Variants in PARP10 observed in about 807,000 individuals in gnomAD.
PARP10 encodes the protein poly(ADP-ribose) polymerase family member 10.
A neutral mutation model predicts 82.4 loss-of-function variants in PARP10; 56 were observed. The observed-to-expected ratio is 0.68, with a 90% CI of 0.55 to 0.85. The LOEUF (loss-of-function observed/expected upper bound fraction) is 0.85, where lower values mean the gene tolerates loss of function less well. Ranked by LOEUF, PARP10 falls within the 40% of genes least tolerant of loss-of-function variation. The pLI is 0.00. For missense variants in PARP10, 1,227 were observed against 1,379.4 expected, an observed-to-expected ratio of 0.89 and a Z score of 1.75; for synonymous variants, 576 against 601.1, an observed-to-expected ratio of 0.96 and a Z score of 0.61.
chr8:144,001,015 A>C (rs1286341953), intron 1 of PARP10, among the ~76,000 whole-genome samples: 1 of 144,214 alleles, frequency 6.9e-6, no homozygotes, highest in Non-Finnish European at 1.5e-5. Context: ...CCAGGTTCAC[A>C]CCATTCTCTT....
At chr8:143,982,750 C>T (rs963143828) in intron 9 of PARP10, among the ~76,000 whole-genome samples, 182 bp downstream of exon 9, 2 of 152,234 alleles carry the variant, frequency 1.3e-5, no homozygotes, top group Admixed American at 6.5e-5. Flanking sequence ...CACTCTGTTC[C>T]CTCCTGTTTC....
At chr8:143,992,349 C>G (rs909751903), upstream of PARP10, 20 of 1,594,576 alleles carry the variant, frequency 1.3e-5, no homozygotes, top group Non-Finnish European at 1.6e-5. Flanking sequence ...CCGTCTGCTT[C>G]ACCGTCGTCA....
At chr8:143,991,642 C>T (rs534546266), upstream of PARP10, 20 of 1,581,876 alleles carry the variant, frequency 1.3e-5, no homozygotes, top group African/African-American at 1.7e-4. Flanking sequence ...GCCGGGAGGG[C>T]AGGGGGAGGT....
chr8:144,007,354 C>T (rs997296240), intron 1 of PARP10, among the ~76,000 whole-genome samples: 1 of 152,154 alleles, frequency 6.6e-6, no homozygotes, highest in Non-Finnish European at 1.5e-5. Flanking sequence ...CTCCCCAGGG[C>T]CCTCCAGACT....
chr8:143,993,024 C>G (rs559460569), upstream of PARP10: 7 of 605,428 alleles, frequency 1.2e-5, no homozygotes, highest in South Asian at 1.4e-4. Flanking sequence ...CCCGCTGTGG[C>G]CACAGCATGG....
chr8:144,005,828 A>G (rs1182998027), intron 1 of PARP10, among the ~76,000 whole-genome samples: 1 of 152,034 alleles, frequency 6.6e-6, no homozygotes, highest in Non-Finnish European at 1.5e-5. Flanking sequence ...GGAGGCCTCC[A>G]GACCACTCCA....
upstream of PARP10, among the ~76,000 whole-genome samples, chr8:143,994,038 T>C (rs1018268768): frequency 7.9e-5 from 12 of 152,222 alleles, no homozygotes; most frequent in Non-Finnish European, 1.6e-4. Context: ...CTCCATTGCC[T>C]GGGACCTGGC....
intron 5 of PARP10, 31 bp downstream of exon 5, chr8:143,984,513 T>C: frequency 1.3e-6 from 2 of 1,593,638 alleles, no homozygotes; most frequent in Non-Finnish European, 1.7e-6. Context: ...AGGAGGGGGC[T>C]GAAGGTGAGG....
At chr8:143,986,574 G>A (rs1363179391), upstream of PARP10, 5 of 730,096 alleles carry the variant, frequency 6.8e-6, no homozygotes, top group Admixed American at 2.6e-5. Flanking sequence ...AGCTGACCAG[G>A]AGGTATTGGC....
rs377032580 is a variant in PARP10, at chr8:143,983,617, G to C, written c.1972C>G (p.Leu658Val). The C allele has an allele frequency of 1.6e-4, 256 of 1,603,358 alleles. No individual in the cohort carries two copies. The highest frequency in any genetic ancestry group is 2.0e-4 in the Non-Finnish European group (235 of 1,174,994). Reference sequence around the variant, plus strand: ...GGCTCCAGTGACCGGTGGAGGGCCAGCTGCAGAGCGGCCTCCTCCTCCAGC... The same window carrying C: ...GGCTCCAGTGACCGGTGGAGGGCCACCTGCAGAGCGGCCTCCTCCTCCAGC... Reference protein sequence around the residue: ...RWLEEEAALQLALHRSLEPQG... With the variant: ...RWLEEEAALQVALHRSLEPQG... The change falls in exon 8 of 11, where the codon CTG becomes GTG. Residue 658 changes from leucine to valine, a missense_variant. Leu to Val is a conservative substitution (Grantham distance 32). Coordinates refer to ENST00000313028, the MANE Select transcript of PARP10 (RefSeq NM_032789.5).
In PARP10 at chr8:143,985,484, C is replaced by A. The variant is rs1366559370; in HGVS notation, c.601G>T (p.Gly201Trp). The A allele has an allele frequency of 3.1e-6, 5 of 1,613,612 alleles. No individual in the cohort carries two copies. In the East Asian group the frequency reaches 1.1e-4, roughly 36 times the overall value. ...LYLENERRSG[G>W]GPLEDLQRLP... The stretch of plus-strand genomic sequence containing the variant: ...CGTTGCAGGTCCTCCAGGGGCCCCC[C>A]ACCACTGCGGCGCTCATTCTCCAGG... Residue 201 changes from glycine (G) to tryptophan (W), a missense_variant, in exon 4 of 11, where the codon GGG (glycine) becomes TGG (tryptophan). Transcript: ENST00000313028.
chr8:144,009,835 C>T (rs972304560), intron 1 of PARP10, among the ~76,000 whole-genome samples: 3 of 152,206 alleles, frequency 2.0e-5, no homozygotes, highest in African/African-American at 7.2e-5. Context: ...CAAGACCAGC[C>T]CACCCAGCAC....
chr8:143,981,351 GGTGATGA>G (rs1833850123), intron 9 of PARP10, among the ~76,000 whole-genome samples: 43 of 123,352 alleles, frequency 3.5e-4, no homozygotes, highest in Admixed American at 8.0e-4. Flanking sequence ...TGAAGGTGAT[GGTGATGA>G]TGGTGGTGAC....
At chr8:143,999,835 G>A (rs1834189108) in intron 1 of PARP10, among the ~76,000 whole-genome samples, 1 of 152,020 alleles carries the variant, frequency 6.6e-6, no homozygotes, top group South Asian at 2.1e-4. Context: ...TGAACTATTG[G>A]TGAACTGGAA....
upstream of PARP10, chr8:143,992,019 A>T (rs1554750601): frequency 6.2e-7 from 1 of 1,613,700 alleles, no homozygotes. Flanking sequence ...CATCTCTCTC[A>T]TCGTCCTCAG....
At chr8:143,981,562 TGAC>T (rs1833862773) in intron 9 of PARP10, among the ~76,000 whole-genome samples, 3 of 80,998 alleles carry the variant, frequency 3.7e-5, no homozygotes, top group African/African-American at 2.2e-4. Context: ...ATGATGGTGG[TGAC>T]GACAGTGAGT....
chr8:143,983,451 G>A lies in PARP10; in HGVS notation c.2138C>T (p.Ser713Leu), dbSNP rs1250325252. The A allele has an allele frequency of 1.0e-5, 16 of 1,605,984 alleles. No individual in the cohort carries two copies. Among genetic ancestry groups the A allele is most frequent in the South Asian group, 8.8e-5 (8 of 90,606 alleles). Reference sequence around the variant, plus strand: ...CTCCTCCACATCCTGCTCAAAGGCCGAGTGCACCACCAGCTGGGCCTTGCC... The same window carrying A: ...CTCCTCCACATCCTGCTCAAAGGCCAAGTGCACCACCAGCTGGGCCTTGCC... ...TDGKAQLVVHSAFEQDVEELD... is the reference protein window; with the variant it reads ...TDGKAQLVVHLAFEQDVEELD... Residue 713 changes from serine to leucine, a missense_variant, in exon 8 of 11, where the codon TCG (serine) becomes TTG (leucine). Ser to Leu is a moderately radical substitution (Grantham distance 145, BLOSUM62 -2). Transcript: ENST00000313028.
At chr8:143,993,019 T>C, upstream of PARP10, 1 of 609,592 alleles carries the variant, frequency 1.6e-6, no homozygotes. Context: ...TTGGACCCGC[T>C]GTGGCCACAG....
Position 143,977,649 on chromosome 8 carries a change from C to A in PARP10, c.2913G>T (p.Val971=). The A allele has an allele frequency of 6.3e-7, 1 of 1,594,166 alleles. No individual in the cohort carries two copies. Among genetic ancestry groups the A allele is most frequent in the African/African-American group, 1.3e-5 (1 of 74,550 alleles). The change falls in exon 11 of 11, where the codon GTG becomes GTT. Residue 971 remains valine, a synonymous_variant. Transcript: ENST00000313028. ...RAPPLRGPGH[V]LLRYDSAVDC... The stretch of plus-strand genomic sequence containing the variant: ...CCACGGCGCTGTCGTAGCGCAGGAG[C>A]ACGTGGCCAGGACCCCGCAGAGGGG...
Sources: gnomAD v4.1 joint callset for allele counts (sites outside exome capture counted in the v4.1 genomes callset) on GRCh38, gnomAD v4.1.1 for gene constraint, MANE v1.5 for transcripts, NCBI Gene and HGNC (gene_info 2026-07-23, HGNC 2026-07-21) for gene names.